DPYD: variants seen among roughly 807,000 people sequenced by gnomAD.
DPYD encodes the protein dihydropyrimidine dehydrogenase [NADP(+)].
DPYD carries 109 observed loss-of-function variants against 116.2 expected under a neutral mutation model. The observed-to-expected ratio is 0.94, with a 90% confidence interval of 0.80 to 1.10. DPYD has a LOEUF of 1.10. Ranked by LOEUF, DPYD falls within the 50% of genes least tolerant of loss-of-function variation. The pLI, the probability that DPYD is intolerant of heterozygous loss-of-function variation, is 0.00. For synonymous variants in DPYD, 440 were observed against 432.0 expected, an observed-to-expected ratio of 1.02 and a Z score of -0.23; for missense variants, 1,302 against 1,254.5, an observed-to-expected ratio of 1.04 and a Z score of -0.57.
intron 14 of DPYD, among the ~76,000 whole-genome samples, chr1:97,416,510 T>A (rs1386196117): frequency 6.6e-6 from 1 of 152,190 alleles, no homozygotes; most frequent in Non-Finnish European, 1.5e-5. Context: ...CTGTTTTAGT[T>A]CCAAGGTATA....
intron 18 of DPYD, among the ~76,000 whole-genome samples, chr1:97,257,816 C>T (rs557822789): frequency 8.0e-4 from 122 of 152,042 alleles, no homozygotes; most frequent in Non-Finnish European, 1.5e-3. Context: ...GACATTATCC[C>T]TGTCTTTAAG....
intron 20 of DPYD, among the ~76,000 whole-genome samples, chr1:97,111,197 T>G (rs1651568950): frequency 6.6e-6 from 1 of 152,216 alleles, no homozygotes; most frequent in South Asian, 2.1e-4. Context: ...ATCTACCTGC[T>G]TTCTCTTTTG....
At chr1:97,517,226 T>A (rs1003899341) in intron 12 of DPYD, among the ~76,000 whole-genome samples, 1 of 152,074 alleles carries the variant, frequency 6.6e-6, no homozygotes, top group African/African-American at 2.4e-5. Flanking sequence ...AGGGATGTTC[T>A]GGGCTTCAAG....
intron 13 of DPYD, among the ~76,000 whole-genome samples, chr1:97,456,163 C>T (rs1051419881): frequency 1.3e-5 from 2 of 150,572 alleles, no homozygotes; most frequent in Admixed American, 1.3e-4. Context: ...CTCAGGTGTG[C>T]TTATGTGATA....
At chr1:97,698,087 C>T (rs1017495561) in intron 6 of DPYD, among the ~76,000 whole-genome samples, 14 of 151,830 alleles carry the variant, frequency 9.2e-5, no homozygotes, top group Non-Finnish European at 1.5e-4. Context: ...ATATATAGGA[C>T]ATTTTACTTT....
At chr1:97,170,224 T>C (rs1656624413) in intron 20 of DPYD, among the ~76,000 whole-genome samples, 1 of 152,190 alleles carries the variant, frequency 6.6e-6, no homozygotes, top group Non-Finnish European at 1.5e-5. Context: ...GAATGGAAAC[T>C]TCACCTGCAG....
At chr1:97,496,975 A>G (rs1466956618) in intron 13 of DPYD, among the ~76,000 whole-genome samples, 1 of 151,990 alleles carries the variant, frequency 6.6e-6, no homozygotes, top group Non-Finnish European at 1.5e-5. Flanking sequence ...AATGAATTTG[A>G]ACAAATCTTT....
intron 19 of DPYD, among the ~76,000 whole-genome samples, chr1:97,195,341 A>G (rs1446851360): frequency 2.0e-5 from 3 of 151,884 alleles, no homozygotes; most frequent in Non-Finnish European, 4.4e-5. Context: ...GAAATGCCTG[A>G]AAACAGAATA....
intron 14 of DPYD, among the ~76,000 whole-genome samples, chr1:97,433,866 G>A (rs1313810426): frequency 1.3e-5 from 2 of 152,050 alleles, no homozygotes; most frequent in Non-Finnish European, 2.9e-5. Context: ...CTGTTATATG[G>A]TGTTATATGT....
intron 8 of DPYD, among the ~76,000 whole-genome samples, chr1:97,655,920 A>G (rs1249014677): frequency 6.6e-6 from 1 of 152,174 alleles, no homozygotes; most frequent in Non-Finnish European, 1.5e-5. Flanking sequence ...CTAGGAAACT[A>G]AAAAGAAGGA....
intron 18 of DPYD, among the ~76,000 whole-genome samples, chr1:97,294,578 G>T (rs1033116301): frequency 1.3e-5 from 2 of 152,160 alleles, no homozygotes; most frequent in Non-Finnish European, 2.9e-5. Context: ...TGAGACATAT[G>T]CAGGAACACA....
chr1:97,553,089 AG>A (rs1389250237), intron 11 of DPYD, among the ~76,000 whole-genome samples: 1 of 151,996 alleles, frequency 6.6e-6, no homozygotes, highest in Non-Finnish European at 1.5e-5. Context: ...CTAAGCACCA[AG>A]AATGACTATC....
chr1:97,567,574 A>G (rs945219045), intron 11 of DPYD, among the ~76,000 whole-genome samples: 6 of 152,112 alleles, frequency 3.9e-5, no homozygotes, highest in Non-Finnish European at 4.4e-5. Flanking sequence ...TCTCCGCTCT[A>G]CTGAGCAGTG....
intron 14 of DPYD, among the ~76,000 whole-genome samples, chr1:97,429,735 G>A (rs904672047): frequency 6.6e-6 from 1 of 151,960 alleles, no homozygotes; most frequent in Non-Finnish European, 1.5e-5. Flanking sequence ...TTCTACTAAC[G>A]AATTTAGTCA....
At chr1:97,166,166 A>G (rs1656310735) in intron 20 of DPYD, among the ~76,000 whole-genome samples, 1 of 152,242 alleles carries the variant, frequency 6.6e-6, no homozygotes, top group African/African-American at 2.4e-5. Context: ...TTACAATAGC[A>G]AAGTCATTAA....
Position 97,079,012 on chromosome 1 carries a change from CTT to C in DPYD, c.3040_3041del (p.Lys1014GlufsTer14), listed in dbSNP as rs1557849648. On this transcript the variant is annotated frameshift_variant, in exon 23 of 23. Transcript: ENST00000370192. LOFTEE classifies it high-confidence loss of function. ...MVSRTTPYEP[K>X]RGVPLSVNPV... is the part of the protein sequence containing the mutation. ...GATTCACAGATAAGGGTACGCCTCT[CTT>C]TGGTTCATAAGGTGTTGTCCTGGAA... 2.5e-6 allele frequency: 4 copies of C among 1,613,590 alleles called. No homozygotes were observed. In the South Asian group the frequency reaches 3.3e-5, roughly 13 times the overall value.
chr1:97,875,852 C>T (rs1384644359), intron 2 of DPYD, among the ~76,000 whole-genome samples: 1 of 151,966 alleles, frequency 6.6e-6, no homozygotes, highest in Non-Finnish European at 1.5e-5. Context: ...ATACTTACTT[C>T]AAAGTAAACT....
At chr1:97,801,263 A>G (rs1244656365) in intron 3 of DPYD, among the ~76,000 whole-genome samples, 1 of 151,818 alleles carries the variant, frequency 6.6e-6, no homozygotes, top group Non-Finnish European at 1.5e-5. Context: ...TTCACCAAGA[A>G]CCTCTACTGG....
chr1:97,340,542 T>C (rs1669539695), intron 16 of DPYD, among the ~76,000 whole-genome samples: 1 of 152,108 alleles, frequency 6.6e-6, no homozygotes, highest in Non-Finnish European at 1.5e-5. Flanking sequence ...GGTGTTGTGA[T>C]GTGTGCCTGT....
Sources: allele counts gnomAD v4.1 joint callset (sites outside exome capture counted in the v4.1 genomes callset), GRCh38; gene constraint gnomAD v4.1.1; transcripts MANE v1.5; gene names NCBI Gene and HGNC (gene_info 2026-07-23, HGNC 2026-07-21).